The following EVC2 variants were observed in gnomAD, a reference collection of about 807,000 sequenced individuals.
EVC2 encodes the protein limbin.
A neutral mutation model predicts 149.3 loss-of-function variants in EVC2; 148 were observed. That is an observed-to-expected ratio of 0.99 (90% CI 0.87 to 1.14). The LOEUF (loss-of-function observed/expected upper bound fraction) is 1.14. Ranked by LOEUF, EVC2 falls within the 50% of genes most tolerant of loss-of-function variation. EVC2 has a pLI of 0.00. For missense variants in EVC2, 1,854 were observed against 1,627.3 expected (o/e 1.14, Z -2.40); for synonymous variants, 776 against 649.9 (o/e 1.19, Z -2.95).
At chr4:5,544,443 G>A (rs1380329140) in intron 21 of EVC2, among the ~76,000 whole-genome samples, 3 of 152,094 alleles carry the variant, frequency 2.0e-5, no homozygotes, top group Non-Finnish European at 4.4e-5. Context: ...CACACAAGAG[G>A]TGCAATTCTG....
intron 16 of EVC2, 152 bp downstream of exon 16, chr4:5,615,270 C>T (rs1461599447): frequency 7.5e-6 from 10 of 1,329,944 alleles, no homozygotes; most frequent in Non-Finnish European, 1.0e-5. Flanking sequence ...GGTCTTCCAA[C>T]TCTTTCTTAC....
chr4:5,650,913 C>T (rs77066546), intron 9 of EVC2, among the ~76,000 whole-genome samples: 7,720 of 152,140 alleles, frequency 0.051, 223 homozygotes, highest in Middle Eastern at 0.088. Flanking sequence ...AGAACAGATG[C>T]TGGAAAATGT....
rs1241614688 is a variant in EVC2 at position 5,613,269 on chromosome 4, G to A, written c.2829+2153C>T. ...TTGTCACAGGGCTTCAACCCTCTGG[G>A]TTCCCTCTGTGCACTGTGGCCTCCA... On this transcript the variant is annotated intron_variant, in intron 16 of 21. Transcript: ENST00000344408. This position sits in a 1 kb window ranked among gnomAD's most constrained non-coding sequence, Gnocchi z 4.6. 6.6e-6 allele frequency among the ~76,000 whole-genome samples: 1 copy of A among 152,120 alleles called. No homozygotes were observed. Among genetic ancestry groups the A allele is most frequent in the African/African-American group, 2.4e-5 (1 of 41,408 alleles).
downstream of EVC2, chr4:5,562,385 A>G (rs1382049737): frequency 2.2e-6 from 2 of 929,234 alleles, no homozygotes; most frequent in African/African-American, 3.5e-5. This position sits in a 1 kb window ranked among gnomAD's most constrained non-coding sequence, Gnocchi z 4.3. Context: ...GTAAGACGTA[A>G]TTTCAAATAA....
rs752095410 is a variant in EVC2, at chr4:5,622,662, C to T, written c.2376G>A (p.Glu792=). The T allele has an allele frequency of 1.9e-6, 3 of 1,614,134 alleles. No individual in the cohort carries two copies. Among genetic ancestry groups the T allele is most frequent in the South Asian group, 2.2e-5 (2 of 91,072 alleles). Residue 792 remains glutamate, a synonymous_variant, in exon 14 of 22, where the codon GAG becomes GAA. Coordinates refer to ENST00000344408, the MANE Select transcript of EVC2 (RefSeq NM_147127.5). The surrounding 1 kb of genome is among the most constrained non-coding windows in gnomAD (Gnocchi z 5.8). ...CCTGGTCCCTGTCCCTCTCCTCCCC[C>T]TCCAGCTGCTCGGCCCGTGCAGCCA... The part of the protein sequence containing the change: ...KEMAARAEQL[E]GEERDRDQEG...
chr4:5,589,147 G>A (rs1017648887), intron 16 of EVC2, among the ~76,000 whole-genome samples: 18 of 152,194 alleles, frequency 1.2e-4, no homozygotes, highest in African/African-American at 4.3e-4. Flanking sequence ...GCTTTGTTCT[G>A]AGATGCAGTT....
chr4:5,631,796 T>C lies in EVC2; in HGVS notation c.1707A>G (p.Ile569Met), dbSNP rs999269646. Residue 569 changes from isoleucine (I) to methionine (M), a missense_variant, in exon 11 of 22, where the codon ATA (isoleucine) becomes ATG (methionine). Transcript: ENST00000344408. Reference sequence around the variant, plus strand: ...CACAGCGAGGCTGATGTATTACCTGTATTTTAGAATAATTTTGCAGCAGCA... The same window carrying C: ...CACAGCGAGGCTGATGTATTACCTGCATTTTAGAATAATTTTGCAGCAGCA... ...AKMLLQNYSK[I>M]QENVEELMDF... is the part of the protein sequence containing the mutation. The C allele has an allele frequency of 6.2e-7, 1 of 1,613,972 alleles. No individual in the cohort carries two copies. The highest frequency in any genetic ancestry group is 1.1e-5 in the South Asian group (1 of 91,072).
chr4:5,591,433 T>A (rs1295927641), intron 16 of EVC2, among the ~76,000 whole-genome samples: 1 of 152,240 alleles, frequency 6.6e-6, no homozygotes, highest in Non-Finnish European at 1.5e-5. Context: ...GGTTTTCACG[T>A]TATCCTTGTG....
At chr4:5,708,910 A>C, upstream of EVC2, 2 of 172,150 alleles carry the variant, frequency 1.2e-5, no homozygotes, top group Non-Finnish European at 1.2e-5. Flanking sequence ...GAGTTTCCCC[A>C]TCCCCGCTTA....
intron 10 of EVC2, among the ~76,000 whole-genome samples, chr4:5,638,280 T>C (rs562665901): frequency 6.6e-6 from 1 of 151,770 alleles, no homozygotes; most frequent in Non-Finnish European, 1.5e-5. Context: ...TCCCAGCTAC[T>C]CGGGAGGCTG....
At chr4:5,589,714 A>G (rs558779173) in intron 16 of EVC2, among the ~76,000 whole-genome samples, 45 of 152,260 alleles carry the variant, frequency 3.0e-4, no homozygotes, top group African/African-American at 1.1e-3. Context: ...GTGTCCTGAA[A>G]ATCACTGTTC....
At chr4:5,615,891 A>G (rs1040648547) in intron 15 of EVC2, among the ~76,000 whole-genome samples, 3 of 152,208 alleles carry the variant, frequency 2.0e-5, no homozygotes, top group African/African-American at 7.2e-5. Flanking sequence ...AGGGGACGCT[A>G]TGAATGAGGT....
chr4:5,651,948 C>T (rs1391509467), intron 9 of EVC2, among the ~76,000 whole-genome samples: 3 of 152,216 alleles, frequency 2.0e-5, no homozygotes, highest in South Asian at 4.1e-4. Flanking sequence ...TATAATCAGG[C>T]GATCACAAAA....
intron 20 of EVC2, 148 bp from the exon 21 acceptor site, chr4:5,565,507 C>T (rs1475724528): frequency 3.0e-6 from 2 of 672,860 alleles, no homozygotes; most frequent in Admixed American, 2.1e-5. Flanking sequence ...CCAGTCTCTA[C>T]TAAAAAATAC....
Position 5,686,054 on chromosome 4 carries a change from A to T in EVC2, c.707-575T>A, listed in dbSNP as rs960706042. On this transcript the variant is annotated intron_variant, in intron 5 of 21. Coordinates refer to ENST00000344408, the MANE Select transcript of EVC2 (RefSeq NM_147127.5). The surrounding 1 kb of genome is among the most constrained non-coding windows in gnomAD (Gnocchi z 5.4). ...ACCTCAAAAATATATATAGATACAT[A>T]TATACACACATATATAACATATATA... Among the ~76,000 whole-genome samples the T allele has an allele frequency of 4.0e-5, 6 of 151,698 alleles. No individual in the cohort carries two copies. The highest frequency in any genetic ancestry group is 1.5e-4 in the African/African-American group (6 of 41,258).
In EVC2 at chr4:5,563,025, G is replaced by A. The variant is rs775355661; in HGVS notation, c.3750C>T (p.Gly1250=). 8.1e-6 allele frequency: 13 copies of A among 1,614,052 alleles called. No individual in the cohort carries two copies. The highest frequency in any genetic ancestry group is 2.2e-5 in the East Asian group (1 of 44,886). Residue 1250 remains glycine, a synonymous_variant, in exon 22 of 22, where the codon GGC becomes GGT. Transcript: ENST00000344408. ...CTACAATGGGTACAGGGGCCAGTTC[G>A]CCAATGGGCTCCAGTGACAGGTGTG... ...SWPHLSLEPI[G]ELAPVPIVGA... is the part of the protein sequence containing the mutation.
intron 9 of EVC2, among the ~76,000 whole-genome samples, chr4:5,660,371 A>G (rs1050132715): frequency 3.9e-5 from 6 of 152,256 alleles, no homozygotes; most frequent in African/African-American, 1.4e-4. Context: ...CATTGAGCTC[A>G]CAAAGTGGCA....
At chr4:5,571,087 G>T (rs181366409) in intron 19 of EVC2, among the ~76,000 whole-genome samples, 1 of 151,968 alleles carries the variant, frequency 6.6e-6, no homozygotes, top group South Asian at 2.1e-4. Flanking sequence ...AGGCTGAGGC[G>T]GGTGGACTGC....
chr4:5,540,460 T>C (rs867024459), downstream of EVC2, among the ~76,000 whole-genome samples: 16 of 152,384 alleles, frequency 1.0e-4, no homozygotes, highest in African/African-American at 2.6e-4. Context: ...GTAAACAATG[T>C]ATGGTACATC....
Sources: allele counts gnomAD v4.1 joint callset (sites outside exome capture counted in the v4.1 genomes callset), GRCh38; gene constraint gnomAD v4.1.1; non-coding constraint Gnocchi (gnomAD v3.1); transcripts MANE v1.5; gene names NCBI Gene and HGNC (gene_info 2026-07-23, HGNC 2026-07-21).